Variants in MB observed in about 807,000 individuals in gnomAD.
The protein encoded by MB is nitrite reductase MB.
In MB, 10 loss-of-function variants were observed where a neutral mutation model predicts 14.5. That is an observed-to-expected ratio of 0.69 (90% CI 0.43 to 1.17). The LOEUF is 1.17. Among genes scored for constraint, MB ranks in the 50% most tolerant of loss-of-function variants. The pLI is 0.00. For missense variants in MB, 169 were observed against 192.7 expected, an observed-to-expected ratio of 0.88 and a Z score of 0.73; for synonymous variants, 89 against 78.6, an observed-to-expected ratio of 1.13 and a Z score of -0.70.
At chr22:35,621,775 A>C (rs1923479312), upstream of MB, among the ~76,000 whole-genome samples, 1 of 152,212 alleles carries the variant, frequency 6.6e-6, no homozygotes, top group South Asian at 2.1e-4. Flanking sequence ...GAGCAGGCTC[A>C]CCCAAGACTT....
chr22:35,610,839 G>A (rs771040464), intron 2 of MB, 45 bp downstream of exon 2: 161 of 1,523,340 alleles, frequency 1.1e-4, no homozygotes, highest in South Asian at 2.8e-4. Context: ...TGCCCCACCC[G>A]AGGCCTTCCC....
upstream of MB, among the ~76,000 whole-genome samples, chr22:35,621,782 A>G (rs1472699983): frequency 6.6e-6 from 1 of 152,168 alleles, no homozygotes; most frequent in Non-Finnish European, 1.5e-5. Context: ...CTCACCCAAG[A>G]CTTTTCTTGT....
chr22:35,621,866 G>A (rs1923487372), upstream of MB: 1 of 152,196 alleles, frequency 6.6e-6, no homozygotes. Context: ...CAGTCTGGTG[G>A]AGAAAGACGG....
upstream of MB, among the ~76,000 whole-genome samples, chr22:35,620,242 G>T (rs914767606): frequency 2.0e-5 from 3 of 152,186 alleles, no homozygotes; most frequent in Admixed American, 2.0e-4. Flanking sequence ...GCTGAGGCAG[G>T]AGAATCACTT....
rs995649917 is a variant in MB, at chr22:35,608,120, C to T, written c.319-677G>A. Among the ~76,000 whole-genome samples the T allele has an allele frequency of 3.7e-4, 57 of 152,130 alleles. 2 individuals carry two copies. The highest frequency in any genetic ancestry group is 5.9e-5 in the Non-Finnish European group (4 of 68,036). On this transcript the variant is annotated intron_variant, in intron 2 of 2. Transcript: ENST00000397326. This position sits in a 1 kb window ranked among gnomAD's most constrained non-coding sequence, Gnocchi z 4.3. ...CTCAGCATTGCCATTTGCTTTAGTA[C>T]CCACAGTCTCACTGCCCGGATAACA...
intron 1 of MB, among the ~76,000 whole-genome samples, chr22:35,612,953 A>T (rs935646145): frequency 2.6e-5 from 4 of 152,062 alleles, no homozygotes; most frequent in Non-Finnish European, 5.9e-5. Context: ...AGACACGCAC[A>T]AGCCTGAACC....
intron 1 of MB, among the ~76,000 whole-genome samples, chr22:35,611,580 C>G (rs1922634182): frequency 6.6e-6 from 1 of 152,184 alleles, no homozygotes; most frequent in Admixed American, 6.5e-5. Context: ...CTGTGAGGGC[C>G]ATTCCACTCC....
At chr22:35,618,034 A>G (rs779538844), upstream of MB, among the ~76,000 whole-genome samples, 3 of 152,146 alleles carry the variant, frequency 2.0e-5, no homozygotes, top group Admixed American at 1.3e-4. Flanking sequence ...TTTTCATGCC[A>G]TCTTCTCCAT....
At chr22:35,620,057 C>A (rs562768155), upstream of MB, among the ~76,000 whole-genome samples, 3 of 152,324 alleles carry the variant, frequency 2.0e-5, no homozygotes, top group Admixed American at 6.5e-5. Context: ...CATGGGGGGC[C>A]GGGCGTGGTG....
At position 35,608,904 on chromosome 22, in the gene MB, C is replaced by T. The variant is rs1251814373; in HGVS notation, c.319-1461G>A. Among the ~76,000 whole-genome samples the T allele has an allele frequency of 1.3e-5, 2 of 152,324 alleles. No homozygotes were observed. The highest frequency in any genetic ancestry group is 3.4e-3 in the Middle Eastern group (1 of 294). ...TCAGTCCCTCAGAGAGACAATCTGT[C>T]CACAGGTGAGGTGGAGACTGTCTTA... On this transcript the variant is annotated intron_variant, in intron 2 of 2. Coordinates refer to ENST00000397326, the MANE Select transcript of MB (RefSeq NM_005368.3). The surrounding 1 kb of genome is among the most constrained non-coding windows in gnomAD (Gnocchi z 4.3).
chr22:35,614,196 A>G lies in MB; in HGVS notation c.95+2967T>C, dbSNP rs17722736. The stretch of plus-strand genomic sequence containing the variant: ...GAACATGGAGCACATTGTCAGATCC[A>G]TGAACACCCCTCTGGCTCTACTAGA... On this transcript the variant is annotated intron_variant, in intron 1 of 2. Coordinates refer to ENST00000397326, the MANE Select transcript of MB (RefSeq NM_005368.3). Among the ~76,000 whole-genome samples, 200 of 152,340 alleles carry G rather than the reference A, an allele frequency of 1.3e-3. 1 individual carries two copies. Among genetic ancestry groups the G allele is most frequent in the South Asian group, 6.6e-3 (32 of 4,826 alleles).
chr22:35,617,321 C>T lies in MB; in HGVS notation c.-64G>A. The T allele has an allele frequency of 7.2e-7, 1 of 1,387,564 alleles. No individual in the cohort carries two copies. The highest frequency in any genetic ancestry group is 1.4e-5 in the African/African-American group (1 of 70,730). The allele number at this position is 1,387,564 out of a possible 1,614,324, so 86.0% of individuals were successfully genotyped here. On this transcript the variant is annotated 5_prime_UTR_variant, in exon 1 of 3. Coordinates refer to ENST00000397326, the MANE Select transcript of MB (RefSeq NM_005368.3). ...TCACTGGGTGTCCTGGCCCCAACAG[C>T]TGGGGTTTGAGGCTGCCTGGTCCCA...
At chr22:35,621,701 T>C (rs1923473384), upstream of MB, among the ~76,000 whole-genome samples, 1 of 152,200 alleles carries the variant, frequency 6.6e-6, no homozygotes, top group Non-Finnish European at 1.5e-5. Flanking sequence ...TGCACTTCCT[T>C]GCGGCAGCTC....
upstream of MB, among the ~76,000 whole-genome samples, chr22:35,618,211 T>C (rs1367412190): frequency 6.6e-6 from 1 of 152,172 alleles, no homozygotes; most frequent in Non-Finnish European, 1.5e-5. Flanking sequence ...ATCACTGATG[T>C]ACAACTAGTC....
intron 1 of MB, among the ~76,000 whole-genome samples, chr22:35,612,828 GC>G (rs1922743861): frequency 6.6e-6 from 1 of 152,168 alleles, no homozygotes; most frequent in African/African-American, 2.4e-5. Flanking sequence ...ACGTGTACAT[GC>G]ATGCAGGCTC....
chr22:35,616,936 A>C, intron 1 of MB: 2 of 540,288 alleles, frequency 3.7e-6, no homozygotes, highest in Middle Eastern at 3.8e-4. Flanking sequence ...CCTAGGTTTG[A>C]TTCTCATGCT....
intron 2 of MB, among the ~76,000 whole-genome samples, chr22:35,609,770 A>AC (rs1401524166): frequency 6.6e-6 from 1 of 152,224 alleles, no homozygotes; most frequent in Non-Finnish European, 1.5e-5. Context: ...TGGTAACAGA[A>AC]CACTAGTTGT....
chr22:35,621,974 G>A (rs1923495479), upstream of MB: 1 of 152,260 alleles, frequency 6.6e-6, no homozygotes, highest in South Asian at 2.1e-4. Context: ...ACCTGCACAG[G>A]TTTGAGCCCC....
intron 2 of MB, 79 bp downstream of exon 2, chr22:35,610,805 C>A: frequency 8.8e-7 from 1 of 1,131,180 alleles, no homozygotes. Flanking sequence ...AGTGGCTGAG[C>A]TTGGACTCGA....
Sources: allele counts gnomAD v4.1 joint callset (sites outside exome capture counted in the v4.1 genomes callset), GRCh38; gene constraint gnomAD v4.1.1; non-coding constraint Gnocchi (gnomAD v3.1); transcripts MANE v1.5; gene names NCBI Gene and HGNC (gene_info 2026-07-23, HGNC 2026-07-21).